Variants in PBX3 observed in about 807,000 individuals in gnomAD.
PBX3 encodes the protein PBX homeobox 3, also known as pre-B-cell leukemia transcription factor 3.
Under a neutral mutation model 48.5 loss-of-function variants are expected in PBX3, and 14 were observed. The ratio of observed to expected loss-of-function variants is 0.29; its 90% confidence interval spans 0.19 to 0.45. The LOEUF (loss-of-function observed/expected upper bound fraction) is 0.45, where lower values mean the gene tolerates loss of function less well. Ranked by LOEUF, PBX3 falls within the 20% of genes least tolerant of loss-of-function variation. The probability of loss-of-function intolerance (pLI) is 1.00; values close to 1 mark genes in which losing one functional copy is unlikely to be tolerated. For missense variants in PBX3, 386 were observed against 546.7 expected, an observed-to-expected ratio of 0.71 and a Z score of 2.93; for synonymous variants, 210 against 200.3, an observed-to-expected ratio of 1.05 and a Z score of -0.41.
At chr9:125,900,264 A>AT (rs1840912847) in intron 2 of PBX3, among the ~76,000 whole-genome samples, 2 of 119,962 alleles carry the variant, frequency 1.7e-5, no homozygotes, top group African/African-American at 6.4e-5. Context: ...ACACTTTACC[A>AT]TTTTTGCTGC....
intron 5 of PBX3, chr9:125,949,573 C>G: frequency 1.5e-6 from 2 of 1,291,794 alleles, no homozygotes; most frequent in Non-Finnish European, 2.0e-6. Context: ...GCATGAGATT[C>G]ATTTTTGATG....
chr9:125,950,222 CT>C (rs994491824), intron 5 of PBX3, among the ~76,000 whole-genome samples: 1 of 152,158 alleles, frequency 6.6e-6, no homozygotes, highest in African/African-American at 2.4e-5. Context: ...AGATGAACCT[CT>C]TTGTGAATGT....
intron 5 of PBX3, among the ~76,000 whole-genome samples, chr9:125,959,941 G>A (rs144887351): frequency 3.3e-5 from 5 of 152,300 alleles, no homozygotes; most frequent in Admixed American, 6.5e-5. Flanking sequence ...TCTCCTTGAC[G>A]TGTGATGAAA....
At chr9:125,860,693 C>T (rs1303647007) in intron 2 of PBX3, among the ~76,000 whole-genome samples, 1 of 151,766 alleles carries the variant, frequency 6.6e-6, no homozygotes, top group Non-Finnish European at 1.5e-5. Flanking sequence ...GAGTTCAAGA[C>T]CAGCCTGGCC....
chr9:125,853,982 G>GTT (rs1839651211), intron 2 of PBX3, among the ~76,000 whole-genome samples: 1 of 99,908 alleles, frequency 1.0e-5, no homozygotes, highest in Non-Finnish European at 2.2e-5. Flanking sequence ...ATTGGCTGCT[G>GTT]TATACACACA....
chr9:125,787,000 C>T (rs971504980), intron 2 of PBX3, among the ~76,000 whole-genome samples: 13 of 152,090 alleles, frequency 8.5e-5, no homozygotes, highest in Admixed American at 3.3e-4. Context: ...GCTGGGATTA[C>T]AGGCATGAGC....
intron 2 of PBX3, among the ~76,000 whole-genome samples, chr9:125,892,365 T>C (rs1840668205): frequency 6.6e-6 from 1 of 152,200 alleles, no homozygotes; most frequent in Non-Finnish European, 1.5e-5. Flanking sequence ...ATCTCTGAGA[T>C]AAATTTCCAA....
At chr9:125,899,319 TTTTA>T (rs1349356741) in intron 2 of PBX3, among the ~76,000 whole-genome samples, 2 of 98,916 alleles carry the variant, frequency 2.0e-5, no homozygotes, top group Admixed American at 1.2e-4. Flanking sequence ...ATGTATATAT[TTTTA>T]TATAAATATA....
chr9:125,808,307 T>C (rs1380866283), intron 2 of PBX3, among the ~76,000 whole-genome samples: 1 of 152,192 alleles, frequency 6.6e-6, no homozygotes, highest in African/African-American at 2.4e-5. Context: ...GAATCCAAAC[T>C]GATACCCTTA....
chr9:125,865,525 AATT>A (rs1839958766), intron 2 of PBX3, among the ~76,000 whole-genome samples: 1 of 152,178 alleles, frequency 6.6e-6, no homozygotes, highest in African/African-American at 2.4e-5. Flanking sequence ...TGATTTATAA[AATT>A]ATTATTACTA....
At chr9:125,817,504 T>C (rs1838500861) in intron 2 of PBX3, among the ~76,000 whole-genome samples, 2 of 152,174 alleles carry the variant, frequency 1.3e-5, no homozygotes, top group Admixed American at 6.5e-5. Context: ...CACACACACA[T>C]TAATTTCATT....
intron 2 of PBX3, among the ~76,000 whole-genome samples, chr9:125,837,378 A>G (rs1347191810): frequency 6.7e-6 from 1 of 150,012 alleles, no homozygotes; most frequent in Non-Finnish European, 1.5e-5. Flanking sequence ...ATATGTATAC[A>G]TGTGTATAAA....
intron 2 of PBX3, among the ~76,000 whole-genome samples, chr9:125,803,658 T>A (rs1479306137): frequency 6.6e-6 from 1 of 152,236 alleles, no homozygotes; most frequent in African/African-American, 2.4e-5. Flanking sequence ...GAATGATGCT[T>A]TGTCCTCAGT....
intron 2 of PBX3, among the ~76,000 whole-genome samples, chr9:125,757,426 T>A (rs1836549196): frequency 6.6e-6 from 1 of 152,160 alleles, no homozygotes. Context: ...GCCATCCATG[T>A]TTTAGTTTTG....
intron 2 of PBX3, among the ~76,000 whole-genome samples, chr9:125,855,898 T>G (rs974496718): frequency 3.9e-5 from 6 of 152,202 alleles, no homozygotes; most frequent in Non-Finnish European, 8.8e-5. Context: ...CAACATTGTC[T>G]GCTGTAAATT....
chr9:125,922,103 C>T lies in PBX3; in HGVS notation c.516+6176C>T, dbSNP rs555106327. On this transcript the variant is annotated intron_variant, in intron 3 of 8. Coordinates refer to ENST00000373489, the MANE Select transcript of PBX3 (RefSeq NM_006195.6). ...CCCCACCACAAAATAAAGAAAACAC[C>T]GAAAACTTTAATTTTCTGTGTAAAC... Among the ~76,000 whole-genome samples the T allele has an allele frequency of 6.6e-5, 10 of 152,100 alleles. No individual in the cohort carries two copies. In the South Asian group the frequency reaches 1.2e-3, roughly 19 times the overall value.
intron 2 of PBX3, among the ~76,000 whole-genome samples, chr9:125,802,902 C>T (rs2132101076): frequency 6.6e-6 from 1 of 152,220 alleles, no homozygotes; most frequent in Non-Finnish European, 1.5e-5. Context: ...TGGTCTCGAA[C>T]TCCTGACCTC....
chr9:125,793,366 A>AAAAAATATATAT (rs59271982), intron 2 of PBX3, among the ~76,000 whole-genome samples: 1 of 101,976 alleles, frequency 9.8e-6, no homozygotes, highest in African/African-American at 4.2e-5. Flanking sequence ...GGAAAAAAAA[A>AAAAAATATATAT]ATATATATAT....
chr9:125,861,281 A>G (rs1428945265), intron 2 of PBX3, among the ~76,000 whole-genome samples: 1 of 152,098 alleles, frequency 6.6e-6, no homozygotes, highest in African/African-American at 2.4e-5. Context: ...CCTGGGTGAT[A>G]AAGTGAGACC....
Sources: gnomAD v4.1 joint callset for allele counts (sites outside exome capture counted in the v4.1 genomes callset) on GRCh38, gnomAD v4.1.1 for gene constraint, MANE v1.5 for transcripts, NCBI Gene and HGNC (gene_info 2026-07-23, HGNC 2026-07-21) for gene names.